VWA2: variants seen among roughly 807,000 people sequenced by gnomAD.
The protein encoded by VWA2 is von Willebrand factor A domain-containing protein 2.
A neutral mutation model predicts 70.4 loss-of-function variants in VWA2; 73 were observed. The observed-to-expected ratio is 1.04, with a 90% CI of 0.86 to 1.26. The LOEUF (loss-of-function observed/expected upper bound fraction) is 1.26. Ranked by LOEUF, VWA2 falls within the 50% of genes most tolerant of loss-of-function variation. VWA2 has a pLI of 0.00. For synonymous variants in VWA2, 407 were observed against 423.3 expected (o/e 0.96, Z 0.47); for missense variants, 1,011 against 998.5 (o/e 1.01, Z -0.17).
At position 114,278,053 on chromosome 10, in the gene VWA2, A is replaced by C. The variant is rs192338744; in HGVS notation, c.700+6A>C. 17,029 of 1,608,010 alleles carry C rather than the reference A, an allele frequency of 0.011. 129 individuals carry two copies. The highest frequency in any genetic ancestry group is 0.013 in the Non-Finnish European group (14,941 of 1,175,490). On this transcript the variant is annotated splice_donor_region_variant and intron_variant, in intron 7 of 13. Transcript: ENST00000392982. ...CTGCTCCAGCGCCACGCCAGGTAAGATCTTCCAGCCTGGAGGGAGTGGAAG... is the reference window on the plus strand; with the variant it reads ...CTGCTCCAGCGCCACGCCAGGTAAGCTCTTCCAGCCTGGAGGGAGTGGAAG...
intron 11 of VWA2, among the ~76,000 whole-genome samples, chr10:114,286,787 G>A (rs2038956296): frequency 6.6e-6 from 1 of 152,236 alleles, no homozygotes; most frequent in Non-Finnish European, 1.5e-5. Flanking sequence ...AACTCTAGGT[G>A]TTGCTGTTAT....
intron 1 of VWA2, among the ~76,000 whole-genome samples, chr10:114,240,814 G>C (rs2036962693): frequency 6.6e-6 from 1 of 152,150 alleles, no homozygotes; most frequent in Admixed American, 6.5e-5. Context: ...GTAAAATCCA[G>C]CCCAGAGCCA....
At chr10:114,247,623 A>G (rs2133285083) in intron 1 of VWA2, among the ~76,000 whole-genome samples, 1 of 151,762 alleles carries the variant, frequency 6.6e-6, no homozygotes, top group South Asian at 2.1e-4. Flanking sequence ...CACTGGAGTC[A>G]TGGCATGTGT....
rs112933381 is a variant in VWA2, at chr10:114,293,700, C to T, written c.*2463C>T. Among the ~76,000 whole-genome samples, 1 of 152,122 alleles carries T rather than the reference C, an allele frequency of 6.6e-6. No individual in the cohort carries two copies. The highest frequency in any genetic ancestry group is 2.4e-5 in the African/African-American group (1 of 41,422). ...ACATTGCATATAGGCCATAAATTTCCTTATTTTCTCTGAACGATCCTGATT... is the reference window on the plus strand; with the variant it reads ...ACATTGCATATAGGCCATAAATTTCTTTATTTTCTCTGAACGATCCTGATT... On this transcript the variant is annotated 3_prime_UTR_variant, in exon 14 of 14. Transcript: ENST00000392982.
rs747387911 is a variant in VWA2, at chr10:114,289,318, C to A, written c.1951C>A (p.Pro651Thr). Residue 651 changes from proline to threonine, a missense_variant, in exon 12 of 14, where the codon CCT becomes ACT. Coordinates refer to ENST00000392982, the MANE Select transcript of VWA2 (RefSeq NM_001272046.2). ...GGRGAEDAAVPAQKLRNNGIS... is the reference protein window; with the variant it reads ...GGRGAEDAAVTAQKLRNNGIS... ...GAGAGGCGCAGAGGATGCAGCCGTT[C>A]CTGCCCAGAAGCTGAGGAACAATGG... 6.2e-7 allele frequency: 1 copy of A among 1,614,092 alleles called. No individual in the cohort carries two copies. The highest frequency in any genetic ancestry group is 8.5e-7 in the Non-Finnish European group (1 of 1,180,040).
At chr10:114,276,904 T>C (rs999539249) in intron 6 of VWA2, among the ~76,000 whole-genome samples, 1 of 152,096 alleles carries the variant, frequency 6.6e-6, no homozygotes, top group African/African-American at 2.4e-5. Flanking sequence ...AGAAAGTCCA[T>C]TGCAGGGCTG....
intron 8 of VWA2, among the ~76,000 whole-genome samples, chr10:114,280,468 A>G (rs2038022440): frequency 1.3e-5 from 2 of 152,150 alleles, no homozygotes; most frequent in African/African-American, 4.8e-5. Flanking sequence ...TCACAGTTTG[A>G]AATGGAGTGG....
At chr10:114,277,633 GC>G (rs774322886) in intron 6 of VWA2, among the ~76,000 whole-genome samples, 2 of 152,150 alleles carry the variant, frequency 1.3e-5, no homozygotes, top group Non-Finnish European at 2.9e-5. Context: ...CCTCTAGATG[GC>G]CTCCTATTGC....
intron 11 of VWA2, 125 bp from the exon 12 acceptor site, chr10:114,288,813 G>A (rs909531992): frequency 1.9e-5 from 17 of 896,334 alleles, no homozygotes; most frequent in Non-Finnish European, 2.6e-5. Context: ...CATAGAGGGT[G>A]TATTCTGCAG....
rs779509021 is a variant in VWA2, at chr10:114,284,850, A to T, written c.890-13A>T. On this transcript the variant is annotated splice_polypyrimidine_tract_variant and intron_variant, in intron 9 of 13. Coordinates refer to ENST00000392982, the MANE Select transcript of VWA2 (RefSeq NM_001272046.2). Reference sequence around the variant, plus strand: ...CTGCGGTGCTTAGCGGTTAATGGGCATCTCTCTGATAGGCCCCTGTGACTC... The same window carrying T: ...CTGCGGTGCTTAGCGGTTAATGGGCTTCTCTCTGATAGGCCCCTGTGACTC... 1.9e-6 allele frequency: 3 copies of T among 1,599,886 alleles called. No homozygotes were observed. The East Asian group carries it at 6.8e-5, about 36-fold the overall frequency.
chr10:114,253,181 A>C (rs1589742533), intron 2 of VWA2, among the ~76,000 whole-genome samples: 9 of 78,336 alleles, frequency 1.1e-4, no homozygotes, highest in East Asian at 3.7e-4. Context: ...CTCCAATTTC[A>C]TTTCCCCTCC....
chr10:114,284,949 T>G lies in VWA2; in HGVS notation c.976T>G (p.Phe326Val). The G allele has an allele frequency of 6.2e-7, 1 of 1,601,800 alleles. No individual in the cohort carries two copies. The highest frequency in any genetic ancestry group is 1.3e-5 in the African/African-American group (1 of 74,298). The change falls in exon 10 of 14, where the codon TTT (phenylalanine) becomes GTT (valine). Residue 326 changes from phenylalanine (F) to valine (V), a missense_variant. Transcript: ENST00000392982. ...CTACCAGTGCCTCTGCCCGCTGGCC[T>G]TTGGAGGGGAGGCTAACTGTGGTAG... ...DGYQCLCPLA[F>V]GGEANCALKL...
At chr10:114,246,564 CAG>C (rs1438021606) in intron 1 of VWA2, 12 of 960,958 alleles carry the variant, frequency 1.2e-5, no homozygotes, top group Non-Finnish European at 2.0e-5. Flanking sequence ...CTGACTGTAA[CAG>C]AGGGACCCAG....
chr10:114,266,922 G>T (rs186857824), intron 5 of VWA2, among the ~76,000 whole-genome samples: 6 of 152,058 alleles, frequency 3.9e-5, no homozygotes, highest in Admixed American at 2.6e-4. Context: ...ATATTATTTG[G>T]TATGTGCTTT....
Position 114,272,803 on chromosome 10 carries a change from CA to C in VWA2, c.436del (p.Arg146GlufsTer28). 1.2e-6 allele frequency: 2 copies of C among 1,613,804 alleles called. No homozygotes were observed. Among genetic ancestry groups the C allele is most frequent in the South Asian group, 2.2e-5 (2 of 90,960 alleles). ...YLLHRGLPGG[R>X]NASVPQILII... ...TTCTGCACAGAGGGTTGCCTGGAGGCAGAAATGCTTCTGTGCCCCAGATCCT... is the reference window on the plus strand; with the variant it reads ...TTCTGCACAGAGGGTTGCCTGGAGGCGAAATGCTTCTGTGCCCCAGATCCT... On this transcript the variant is annotated frameshift_variant, in exon 6 of 14. Transcript: ENST00000392982. LOFTEE classifies it high-confidence loss of function.
chr10:114,240,157 C>T (rs1245443181), intron 1 of VWA2, among the ~76,000 whole-genome samples: 5 of 152,330 alleles, frequency 3.3e-5, no homozygotes, highest in East Asian at 3.9e-4. Context: ...AGAGTCCTCG[C>T]GCTTGGGCAG....
intron 6 of VWA2, among the ~76,000 whole-genome samples, chr10:114,275,879 G>C (rs2133371201): frequency 6.6e-6 from 1 of 152,324 alleles, no homozygotes; most frequent in East Asian, 1.9e-4. Context: ...AGTGAGCCGA[G>C]ATTACGCCAC....
chr10:114,257,995 G>A (rs1488799460), intron 4 of VWA2, among the ~76,000 whole-genome samples: 2 of 152,208 alleles, frequency 1.3e-5, no homozygotes. Context: ...GGGTGTTCAG[G>A]GAGTTAGATT....
chr10:114,264,698 C>A (rs992119471), intron 5 of VWA2, among the ~76,000 whole-genome samples: 1 of 151,768 alleles, frequency 6.6e-6, no homozygotes, highest in African/African-American at 2.4e-5. Flanking sequence ...GAATTACAGG[C>A]GTGAGCCACT....
Sources: gnomAD v4.1 joint callset for allele counts (sites outside exome capture counted in the v4.1 genomes callset) on GRCh38, gnomAD v4.1.1 for gene constraint, MANE v1.5 for transcripts, NCBI Gene and HGNC (gene_info 2026-07-23, HGNC 2026-07-21) for gene names.